SNRNP25: variants seen among roughly 807,000 people sequenced by gnomAD.
SNRNP25 encodes small nuclear ribonucleoprotein U11/U12 subunit 25, also known as U11/U12 small nuclear ribonucleoprotein 25 kDa protein.
SNRNP25 carries 21 observed loss-of-function variants against 23.9 expected under a neutral mutation model. That is an observed-to-expected ratio of 0.88 (90% CI 0.62 to 1.27). The LOEUF is 1.27. SNRNP25 is among the 50% of genes most tolerant of loss of function. SNRNP25 has a pLI of 0.00. For missense variants in SNRNP25, 160 were observed against 156.9 expected (o/e 1.02, Z -0.11); for synonymous variants, 63 against 60.4 (o/e 1.04, Z -0.20).
intron 3 of SNRNP25, 156 bp from the exon 4 acceptor site, chr16:56,383 C>A (rs372520949): frequency 1.3e-6 from 1 of 767,072 alleles, no homozygotes; most frequent in African/African-American, 1.7e-5. Context: ...CTTGTAGCTG[C>A]CTCAGACCCA....
At chr16:55,931 C>A in intron 3 of SNRNP25, 49 bp downstream of exon 3, 1 of 1,525,074 alleles carries the variant, frequency 6.6e-7, no homozygotes, top group Non-Finnish European at 9.0e-7. Context: ...GGGGCTAGTG[C>A]CCTTCTTGGC....
At chr16:57,054 G>A in intron 4 of SNRNP25, 32 bp from the exon 5 acceptor site, 1 of 1,613,038 alleles carries the variant, frequency 6.2e-7, no homozygotes, top group Non-Finnish European at 8.5e-7. Context: ...CTTCTGTAGG[G>A]CAGGTGCTTT....
chr16:54,176 C>A (rs1356350812), intron 1 of SNRNP25, 118 bp downstream of exon 1: 1 of 1,184,922 alleles, frequency 8.4e-7, no homozygotes, highest in African/African-American at 1.5e-5. Context: ...AGGAAGGCGC[C>A]TCTGGGCGTA....
chr16:54,485 G>A (rs1044116217), intron 1 of SNRNP25, among the ~76,000 whole-genome samples: 2 of 152,038 alleles, frequency 1.3e-5, no homozygotes, highest in African/African-American at 4.8e-5. Flanking sequence ...CCTGGGCTCA[G>A]GCGATCCTCC....
intron 1 of SNRNP25, 96 bp from the exon 2 acceptor site, chr16:55,363 A>C: frequency 9.3e-7 from 1 of 1,071,006 alleles, no homozygotes; most frequent in East Asian, 2.4e-5. Flanking sequence ...CGTAAAATGG[A>C]GCACCACTTT....
At chr16:54,987 A>G (rs140520749) in intron 1 of SNRNP25, 12 of 159,338 alleles carry the variant, frequency 7.5e-5, no homozygotes, top group African/African-American at 2.2e-4. Context: ...GCCAATTTTA[A>G]ATGTTTTATA....
In SNRNP25 at chr16:55,788, G is replaced by A; in HGVS notation, c.145G>A (p.Val49Met). 1 of 1,614,142 alleles carries A rather than the reference G, an allele frequency of 6.2e-7. No individual in the cohort carries two copies. Among genetic ancestry groups the A allele is most frequent in the South Asian group, 1.1e-5 (1 of 91,072 alleles). Residue 49 changes from valine (V) to methionine (M), a missense_variant, in exon 3 of 5, where the codon GTG becomes ATG. Physicochemically the swap from Val to Met is conservative, Grantham distance 21. Transcript: ENST00000293861. ...GTCCGTGGTTGCAGCCGTGGTTGTA[G>A]TGCAGAGTGCCACAGTCCTGGACCT... The part of the protein sequence containing the change: ...MDGEVMPVVV[V>M]QSATVLDLKK...
intron 4 of SNRNP25, 78 bp from the exon 5 acceptor site, chr16:57,008 C>T: frequency 6.6e-7 from 1 of 1,518,334 alleles, no homozygotes; most frequent in East Asian, 2.3e-5. Flanking sequence ...TCTTCGTGGT[C>T]CTCCACAGCC....
rs1897373355 is a variant in SNRNP25, at chr16:53,915, A to G, written c.-102A>G. 7 of 1,536,216 alleles carry G rather than the reference A, an allele frequency of 4.6e-6. No individual in the cohort carries two copies. The Admixed American group carries it at 9.7e-5, about 21-fold the overall frequency. On this transcript the variant is annotated 5_prime_UTR_variant, in exon 1 of 5. Coordinates refer to ENST00000293861, the MANE Select transcript of SNRNP25 (RefSeq NM_024571.4). ...GCTGAGAGGGGCGGCCCTGGAGGAG[A>G]CGGAGGCCGCGGGTGGGCCCGAGGC...
rs901684757 is a variant in SNRNP25, at chr16:55,691, G to A, written c.134-86G>A. Reference sequence around the variant, plus strand: ...CAACCACAAACCTGCCCTGTGCACAGAGGTGTTGGTTCCTTTCCTGCCATC... The same window carrying A: ...CAACCACAAACCTGCCCTGTGCACAAAGGTGTTGGTTCCTTTCCTGCCATC... On this transcript the variant is annotated intron_variant, in intron 2 of 4. Coordinates refer to ENST00000293861, the MANE Select transcript of SNRNP25 (RefSeq NM_024571.4). The A allele has an allele frequency of 7.7e-6, 12 of 1,549,420 alleles. No individual in the cohort carries two copies. In the South Asian group the frequency reaches 9.0e-5, roughly 12 times the overall value.
intron 3 of SNRNP25, chr16:56,135 TG>T (rs1897403453): frequency 1.6e-6 from 1 of 619,766 alleles, no homozygotes; most frequent in Non-Finnish European, 3.0e-6. Flanking sequence ...TCCGAGCTGC[TG>T]GGTATCTTCA....
intron 1 of SNRNP25, chr16:54,957 G>A (rs1897388076): frequency 6.3e-6 from 1 of 159,792 alleles, no homozygotes; most frequent in Admixed American, 5.9e-5. Flanking sequence ...TGGGATTACA[G>A]GCGTGAGCCA....
At chr16:56,738 TG>T in intron 4 of SNRNP25, 125 bp downstream of exon 4, 2 of 1,029,368 alleles carry the variant, frequency 1.9e-6, no homozygotes, top group Non-Finnish European at 1.5e-6. Flanking sequence ...GGAGCTTCCT[TG>T]GGGCCCTCCC....
At chr16:56,177 G>A in intron 3 of SNRNP25, 1 of 642,804 alleles carries the variant, frequency 1.6e-6, no homozygotes, top group Non-Finnish European at 2.9e-6. Context: ...TTTCCAGTGT[G>A]TCTGGAAGTG....
Position 57,058 on chromosome 16 carries a change from G to A in SNRNP25, c.315-28G>A, listed in dbSNP as rs371272554. ...ACAGATATGTCCTTCTGTAGGGCAG[G>A]TGCTTTATGCCTTTCCTTCTTTTTC... On this transcript the variant is annotated intron_variant, in intron 4 of 4. Coordinates refer to ENST00000293861, the MANE Select transcript of SNRNP25 (RefSeq NM_024571.4). The A allele has an allele frequency of 4.3e-5, 70 of 1,613,730 alleles. 1 individual carries two copies. The Middle Eastern group carries it at 9.9e-4, about 23-fold the overall frequency.
intron 3 of SNRNP25, 156 bp from the exon 4 acceptor site, chr16:56,383 C>T: frequency 1.3e-6 from 1 of 767,074 alleles, no homozygotes; most frequent in East Asian, 2.6e-5. Context: ...CTTGTAGCTG[C>T]CTCAGACCCA....
rs1164998038 is a variant in SNRNP25 at position 57,146 on chromosome 16, C to T, written c.*3C>T. ...TCAAAAAGCTGAGGCAAAAGTGAGC[C>T]TCCAGACAGGACAACCCTCTTCATC... On this transcript the variant is annotated 3_prime_UTR_variant, in exon 5 of 5. Coordinates refer to ENST00000293861, the MANE Select transcript of SNRNP25 (RefSeq NM_024571.4). The T allele has an allele frequency of 1.2e-6, 2 of 1,614,012 alleles. No homozygotes were observed. Among genetic ancestry groups the T allele is most frequent in the South Asian group, 2.2e-5 (2 of 91,086 alleles).
chr16:54,079 G>A (rs1897376460), intron 1 of SNRNP25, 21 bp downstream of exon 1: 10 of 1,591,700 alleles, frequency 6.3e-6, no homozygotes, highest in Admixed American at 1.7e-5. Flanking sequence ...GCGGGGGCTG[G>A]GGGCGCGGGA....
At chr16:56,740 G>T in intron 4 of SNRNP25, 127 bp downstream of exon 4, 1 of 1,013,092 alleles carries the variant, frequency 9.9e-7, no homozygotes. Flanking sequence ...AGCTTCCTTG[G>T]GGCCCTCCCC....
Sources: gnomAD v4.1 joint callset for allele counts (sites outside exome capture counted in the v4.1 genomes callset) on GRCh38, gnomAD v4.1.1 for gene constraint, MANE v1.5 for transcripts, NCBI Gene and HGNC (gene_info 2026-07-23, HGNC 2026-07-21) for gene names.